The following CGN variants were observed in gnomAD, a reference collection of about 807,000 sequenced individuals.
The protein encoded by CGN is cingulin.
In CGN, 121 loss-of-function variants were observed where a neutral mutation model predicts 157.1. That is an observed-to-expected ratio of 0.77 (90% confidence interval 0.66 to 0.90). The LOEUF (loss-of-function observed/expected upper bound fraction) is 0.90, where lower values mean the gene tolerates loss of function less well. Ranked by LOEUF, CGN falls within the 40% of genes least tolerant of loss-of-function variation. CGN has a pLI of 0.00. For missense variants in CGN, 1,424 were observed against 1,520.9 expected (o/e 0.94, Z 1.06); for synonymous variants, 535 against 607.5 (o/e 0.88, Z 1.76).
Position 151,520,279 on chromosome 1 carries a change from C to G in CGN, c.974+13C>G, listed in dbSNP as rs768818595. On this transcript the variant is annotated intron_variant, in intron 3 of 20. Coordinates refer to ENST00000271636, the MANE Select transcript of CGN (RefSeq NM_020770.3). ...TCCTGAGGGAGGGGTGAGTGGGGGCCCCCCCAACAACAGAGGCATACCCCT... is the reference window on the plus strand; with the variant it reads ...TCCTGAGGGAGGGGTGAGTGGGGGCGCCCCCAACAACAGAGGCATACCCCT... 1 of 1,602,936 alleles carries G rather than the reference C, an allele frequency of 6.2e-7. No individual in the cohort carries two copies. Among genetic ancestry groups the G allele is most frequent in the Admixed American group, 1.7e-5 (1 of 59,852 alleles).
At chr1:151,523,619 G>A in intron 6 of CGN, 58 bp downstream of exon 6, 5 of 1,494,294 alleles carry the variant, frequency 3.3e-6, no homozygotes, top group African/African-American at 1.4e-5. Context: ...AGGTTTAGAG[G>A]CCACTCCCTC....
At chr1:151,520,879 G>A (rs555366684) in intron 5 of CGN, among the ~76,000 whole-genome samples, 188 bp downstream of exon 5, 3 of 152,330 alleles carry the variant, frequency 2.0e-5, no homozygotes, top group South Asian at 2.1e-4. Context: ...GGGAGGCAGA[G>A]CACATTAGGA....
At chr1:151,523,687 G>A (rs1211399540) in intron 6 of CGN, 126 bp downstream of exon 6, 6 of 951,204 alleles carry the variant, frequency 6.3e-6, no homozygotes, top group Non-Finnish European at 9.2e-6. Context: ...AAGGGGCAGT[G>A]TTGGTTTAAG....
chr1:151,531,118 G>A (rs1445028422), intron 13 of CGN, among the ~76,000 whole-genome samples: 12 of 151,804 alleles, frequency 7.9e-5, no homozygotes, highest in Non-Finnish European at 1.5e-4. Context: ...TTCAGCCTGG[G>A]TGACAGAGCA....
Position 151,525,761 on chromosome 1 carries a change from C to A in CGN, c.1734C>A (p.Asn578Lys). The A allele has an allele frequency of 6.2e-7, 1 of 1,606,868 alleles. No homozygotes were observed. Among genetic ancestry groups the A allele is most frequent in the Non-Finnish European group, 8.5e-7 (1 of 1,176,350 alleles). ...ATTGGCAGAGTATGTTCCAGAAGAA[C>A]AAGGAGGATCTTAGAGCCACCAAGC... ...TGHWQSMFQK[N>K]KEDLRATKQE... The change falls in exon 9 of 21, where the codon AAC (asparagine) becomes AAA (lysine). Residue 578 changes from asparagine (N) to lysine (K), a missense_variant. Physicochemically the swap from Asn to Lys is moderately conservative, Grantham distance 94. Coordinates refer to ENST00000271636, the MANE Select transcript of CGN (RefSeq NM_020770.3).
At chr1:151,536,475 G>A in intron 19 of CGN, 130 bp downstream of exon 19, 1 of 652,206 alleles carries the variant, frequency 1.5e-6, no homozygotes, top group East Asian at 2.7e-5. Flanking sequence ...TAAGGACAGA[G>A]ATTAGATTGA....
Position 151,538,644 on chromosome 1 carries a change from C to T in CGN, c.*1298C>T, listed in dbSNP as rs1007395090. ...ACGTTCTTTCCCAATCCAATCCAGCCTTGGTTTTATTTTAAATTAAATATT... is the reference window on the plus strand; with the variant it reads ...ACGTTCTTTCCCAATCCAATCCAGCTTTGGTTTTATTTTAAATTAAATATT... On this transcript the variant is annotated 3_prime_UTR_variant, in exon 21 of 21. Coordinates refer to ENST00000271636, the MANE Select transcript of CGN (RefSeq NM_020770.3). 1 of 152,184 alleles carries T rather than the reference C, an allele frequency of 6.6e-6. No homozygotes were observed. Among genetic ancestry groups the T allele is most frequent in the Non-Finnish European group, 1.5e-5 (1 of 68,024 alleles). 9.4% of individuals were successfully genotyped at this position (152,184 alleles called of 1,614,324 possible).
Position 151,534,041 on chromosome 1 carries a change from G to C in CGN, c.2809G>C (p.Glu937Gln), listed in dbSNP as rs752890105. 2 of 1,613,620 alleles carry C rather than the reference G, an allele frequency of 1.2e-6. No individual in the cohort carries two copies. Among genetic ancestry groups the C allele is most frequent in the Admixed American group, 1.7e-5 (1 of 59,968 alleles). Residue 937 changes from glutamate to glutamine, a missense_variant, in exon 15 of 21, where the codon GAG (glutamate) becomes CAG (glutamine). Coordinates refer to ENST00000271636, the MANE Select transcript of CGN (RefSeq NM_020770.3). ...AERDTARLDK[E>Q]LLAQRLQGLE... ...GCGGGACACAGCCCGGCTGGACAAA[G>C]AGCTACTGGCCCAGCGACTGCAGGG...
Position 151,536,165 on chromosome 1 carries a change from G to A in CGN, c.3198-72G>A. 3 of 973,736 alleles carry A rather than the reference G, an allele frequency of 3.1e-6. No individual in the cohort carries two copies. In the South Asian group the frequency reaches 3.9e-5, roughly 13 times the overall value. The allele number at this position is 973,736 out of a possible 1,614,324, so 60.3% of individuals were successfully genotyped here. On this transcript the variant is annotated intron_variant, in intron 18 of 20. Transcript: ENST00000271636. Reference sequence around the variant, plus strand: ...CTCATGGCTGAGAGGAGTCCTTGGGGACAGTAGGGGGCCAAGTTAGGATTC... The same window carrying A: ...CTCATGGCTGAGAGGAGTCCTTGGGAACAGTAGGGGGCCAAGTTAGGATTC...
rs780173471 is a variant in CGN at position 151,537,379 on chromosome 1, C to T, written c.*33C>T. Reference sequence around the variant, plus strand: ...TCCTCAAGGACTCAGAAACCAGGCTCGAGGCCTATCCCAGCAAGTGCTGCT... The same window carrying T: ...TCCTCAAGGACTCAGAAACCAGGCTTGAGGCCTATCCCAGCAAGTGCTGCT... On this transcript the variant is annotated 3_prime_UTR_variant, in exon 21 of 21. Coordinates refer to ENST00000271636, the MANE Select transcript of CGN (RefSeq NM_020770.3). The T allele has an allele frequency of 1.6e-5, 26 of 1,599,906 alleles. No homozygotes were observed. The highest frequency in any genetic ancestry group is 2.1e-5 in the Non-Finnish European group (25 of 1,171,286).
intron 4 of CGN, 49 bp from the exon 5 acceptor site, chr1:151,520,547 C>T: frequency 1.2e-6 from 2 of 1,611,486 alleles, no homozygotes; most frequent in Middle Eastern, 1.7e-4. Context: ...CTCAGGGGAT[C>T]CAGACTTGGA....
chr1:151,512,570 C>T (rs1230014016), intron 1 of CGN, among the ~76,000 whole-genome samples: 1 of 152,198 alleles, frequency 6.6e-6, no homozygotes, highest in Non-Finnish European at 1.5e-5. Flanking sequence ...ATCCCCAGGA[C>T]AGATGAAAGG....
chr1:151,533,268 G>GAGCT (rs1271513304), intron 14 of CGN, among the ~76,000 whole-genome samples: 1 of 151,882 alleles, frequency 6.6e-6, no homozygotes, highest in African/African-American at 2.4e-5. Flanking sequence ...ATGAGGTCAG[G>GAGCT]TGTTCAAGAC....
rs1664623017 is a variant in CGN at position 151,524,576 on chromosome 1, C to T, written c.1402-98C>T. On this transcript the variant is annotated intron_variant, in intron 7 of 20. Transcript: ENST00000271636. The surrounding 1 kb of genome is among the most constrained non-coding windows in gnomAD (Gnocchi z 4.4). The stretch of plus-strand genomic sequence containing the variant: ...AGTACTGGTACTAGAGCACCTGGTA[C>T]TGTGCCTAATACGATAAATATTTTT... The T allele has an allele frequency of 1.6e-6, 2 of 1,212,586 alleles. No individual in the cohort carries two copies. Among genetic ancestry groups the T allele is most frequent in the South Asian group, 2.8e-5 (2 of 72,596 alleles). 75.1% of individuals were successfully genotyped at this position (1,212,586 alleles called of 1,614,324 possible).
At chr1:151,510,380 A>G (rs976815308), upstream of CGN, 25 of 152,228 alleles carry the variant, frequency 1.6e-4, no homozygotes, top group African/African-American at 6.0e-4. Flanking sequence ...ACGTAAACGA[A>G]GTCAATCTCT....
In CGN at chr1:151,530,076, G is replaced by C. The variant is rs202211004; in HGVS notation, c.2274G>C (p.Ala758=). 1 of 1,613,994 alleles carries C rather than the reference G, an allele frequency of 6.2e-7. No individual in the cohort carries two copies. Among genetic ancestry groups the C allele is most frequent in the Non-Finnish European group, 8.5e-7 (1 of 1,179,924 alleles). Residue 758 remains alanine (A), a synonymous_variant, in exon 12 of 21, where the codon GCG becomes GCC. Coordinates refer to ENST00000271636, the MANE Select transcript of CGN (RefSeq NM_020770.3). ...ETRGLVDGGE[A]VEARLRDKLQ... Reference sequence around the variant, plus strand: ...GAGGTCTGGTGGATGGTGGGGAAGCGGTGGAGGCACGACTACGGGACAAGC... The same window carrying C: ...GAGGTCTGGTGGATGGTGGGGAAGCCGTGGAGGCACGACTACGGGACAAGC...
Position 151,534,020 on chromosome 1 carries a change from G to T in CGN, c.2788G>T (p.Asp930Tyr). The T allele has an allele frequency of 6.2e-7, 1 of 1,613,298 alleles. No individual in the cohort carries two copies. Among genetic ancestry groups the T allele is most frequent in the Non-Finnish European group, 8.5e-7 (1 of 1,179,890 alleles). ...CCTGCAGGCATCCCAGGCTGAGCGG[G>T]ACACAGCCCGGCTGGACAAAGAGCT... ...QALQASQAER[D>Y]TARLDKELLA... is the part of the protein sequence containing the mutation. Residue 930 changes from aspartate (D) to tyrosine (Y), a missense_variant, in exon 15 of 21, where the codon GAC becomes TAC. Physicochemically the swap from Asp to Tyr is radical, Grantham distance 160. Coordinates refer to ENST00000271636, the MANE Select transcript of CGN (RefSeq NM_020770.3).
chr1:151,536,372 G>GT, intron 19 of CGN, 27 bp downstream of exon 19: 2 of 1,241,038 alleles, frequency 1.6e-6, no homozygotes, highest in Non-Finnish European at 2.4e-6. Context: ...CTGGAGCCAA[G>GT]CAACCTGGGG....
In CGN at chr1:151,536,780, G is replaced by C. The variant is rs778370401; in HGVS notation, c.3357G>C (p.Glu1119Asp). Reference sequence around the variant, plus strand: ...AGCGTCAGGTGGATGAAGCAGAAGAGGAAATTGAGCGACTGGACGGCCTGA... The same window carrying C: ...AGCGTCAGGTGGATGAAGCAGAAGACGAAATTGAGCGACTGGACGGCCTGA... ...ALKRQVDEAEEEIERLDGLRK... is the reference protein window; with the variant it reads ...ALKRQVDEAEDEIERLDGLRK... Residue 1119 changes from glutamate (E) to aspartate (D), a missense_variant, in exon 20 of 21, where the codon GAG (glutamate) becomes GAC (aspartate). Glu to Asp is a conservative substitution (Grantham distance 45, BLOSUM62 2). Around this residue, in one of 3 missense-constraint regions of CGN, gnomAD observed 199 missense variants for 272.2 expected, o/e 0.73. Coordinates refer to ENST00000271636, the MANE Select transcript of CGN (RefSeq NM_020770.3). 1.9e-6 allele frequency: 3 copies of C among 1,614,162 alleles called. No individual in the cohort carries two copies. In the Admixed American group the frequency reaches 5.0e-5, roughly 27 times the overall value.
Sources: allele counts gnomAD v4.1 joint callset (sites outside exome capture counted in the v4.1 genomes callset), GRCh38; gene constraint gnomAD v4.1.1; regional missense constraint gnomAD v4.1.1; non-coding constraint Gnocchi (gnomAD v3.1); transcripts MANE v1.5; gene names NCBI Gene and HGNC (gene_info 2026-07-23, HGNC 2026-07-21).